The following TPRG1 variants were observed in gnomAD, a reference collection of about 807,000 sequenced individuals.
TPRG1 encodes the protein tumor protein p63-regulated gene 1 protein.
Under a neutral mutation model 29.3 loss-of-function variants are expected in TPRG1, and 29 were observed. The observed-to-expected ratio is 0.99, with a 90% CI of 0.74 to 1.35. The LOEUF is 1.35. Among genes scored for constraint, TPRG1 ranks in the 40% most tolerant of loss-of-function variants. The pLI is 0.00. For synonymous variants in TPRG1, 130 were observed against 116.8 expected, an observed-to-expected ratio of 1.11 and a Z score of -0.73; for missense variants, 327 against 335.0, an observed-to-expected ratio of 0.98 and a Z score of 0.19.
At chr3:189,315,220 GT>G (rs1723296139) in intron 5 of TPRG1, among the ~76,000 whole-genome samples, 1 of 151,320 alleles carries the variant, frequency 6.6e-6, no homozygotes, top group South Asian at 2.1e-4. Flanking sequence ...TATAATAATA[GT>G]TCTATGTTAT....
chr3:189,163,178 C>A (rs1302818118), intron 5 of TPRG1, among the ~76,000 whole-genome samples: 1 of 152,166 alleles, frequency 6.6e-6, no homozygotes, highest in Non-Finnish European at 1.5e-5. Context: ...GAGGCTGAGG[C>A]AGGAGAATCA....
chr3:189,256,010 C>G (rs549987436), intron 4 of TPRG1, among the ~76,000 whole-genome samples: 1 of 152,164 alleles, frequency 6.6e-6, no homozygotes, highest in South Asian at 2.1e-4. Context: ...GTCTCTATCT[C>G]CTTCAGTTCT....
At chr3:189,060,842 T>A (rs1410463640) in intron 4 of TPRG1, among the ~76,000 whole-genome samples, 1 of 152,076 alleles carries the variant, frequency 6.6e-6, no homozygotes, top group Non-Finnish European at 1.5e-5. Flanking sequence ...ATAGGAAGAA[T>A]CAATACCATG....
rs183893551 is a variant in TPRG1, at chr3:189,206,782, T to C, written c.-9-594T>C. Among the ~76,000 whole-genome samples, 867 of 144,390 alleles carry C rather than the reference T, an allele frequency of 6.0e-3. 10 individuals carry two copies. Among genetic ancestry groups the C allele is most frequent in the African/African-American group, 0.022 (761 of 35,280 alleles). The allele number at this position is 144,390 out of a possible 152,430, so 94.7% of individuals were successfully genotyped here. ...TCCTAGAATGCTGGGATTACAGGCA[T>C]GAGTCACCATGCCCAGCTGAACAAC... On this transcript the variant is annotated intron_variant, in intron 1 of 5. Coordinates refer to ENST00000345063, the MANE Select transcript of TPRG1 (RefSeq NM_198485.4).
chr3:189,176,662 A>G (rs1052875003), intron 1 of TPRG1, among the ~76,000 whole-genome samples: 2 of 152,206 alleles, frequency 1.3e-5, no homozygotes, highest in African/African-American at 4.8e-5. Context: ...AAGGATATGA[A>G]GGAGTCAGCG....
chr3:189,161,849 A>G (rs1477024526), intron 5 of TPRG1, among the ~76,000 whole-genome samples: 1 of 152,208 alleles, frequency 6.6e-6, no homozygotes, highest in Non-Finnish European at 1.5e-5. Context: ...GTCAAGGTGA[A>G]GGCAGATAGC....
upstream of TPRG1, among the ~76,000 whole-genome samples, chr3:189,168,995 G>GGA (rs1728484967): frequency 6.6e-6 from 1 of 152,164 alleles, no homozygotes; most frequent in Non-Finnish European, 1.5e-5. Flanking sequence ...AGTCCAGGGA[G>GGA]GAGACTAGCT....
At chr3:189,062,386 G>A (rs1034190912) in intron 4 of TPRG1, among the ~76,000 whole-genome samples, 3 of 152,148 alleles carry the variant, frequency 2.0e-5, no homozygotes, top group Admixed American at 1.3e-4. Context: ...AAACCCTGGC[G>A]ACATGAGTTT....
intron 3 of TPRG1, among the ~76,000 whole-genome samples, chr3:189,017,681 T>A (rs1713025009): frequency 6.6e-6 from 1 of 152,110 alleles, no homozygotes; most frequent in Non-Finnish European, 1.5e-5. Flanking sequence ...ATAGTGCCGC[T>A]ATAAACATAC....
chr3:189,244,624 C>A (rs781547222), intron 4 of TPRG1, among the ~76,000 whole-genome samples: 1 of 152,216 alleles, frequency 6.6e-6, no homozygotes, highest in African/African-American at 2.4e-5. Context: ...TACAAGAACT[C>A]ACTCACTATC....
intron 3 of TPRG1, among the ~76,000 whole-genome samples, chr3:189,133,198 G>A (rs902523553): frequency 1.3e-5 from 2 of 152,096 alleles, no homozygotes; most frequent in Non-Finnish European, 2.9e-5. Context: ...AAAGAGACTG[G>A]GATCAGATCT....
intron 4 of TPRG1, among the ~76,000 whole-genome samples, chr3:189,245,044 C>A (rs573169010): frequency 6.6e-6 from 1 of 152,182 alleles, no homozygotes; most frequent in Admixed American, 6.5e-5. Context: ...CCTCAGCCTC[C>A]CAAGTAGCTG....
chr3:189,107,270 G>C (rs750425670), intron 1 of TPRG1, among the ~76,000 whole-genome samples: 3 of 152,044 alleles, frequency 2.0e-5, no homozygotes, highest in Non-Finnish European at 2.9e-5. Flanking sequence ...CAGGACCTCA[G>C]GCAGCCTATA....
At chr3:189,219,274 G>T (rs1020816625) in intron 3 of TPRG1, among the ~76,000 whole-genome samples, 1 of 152,108 alleles carries the variant, frequency 6.6e-6, no homozygotes, top group Admixed American at 6.6e-5. Flanking sequence ...AAGTTTGCAG[G>T]CACTTGGGAA....
intron 4 of TPRG1, among the ~76,000 whole-genome samples, chr3:189,292,024 A>T (rs1719082881): frequency 6.6e-6 from 1 of 152,248 alleles, no homozygotes; most frequent in South Asian, 2.1e-4. Context: ...AATTCTCCAG[A>T]TGCCAAGCAG....
At chr3:189,105,025 T>C (rs1308882641) in intron 1 of TPRG1, among the ~76,000 whole-genome samples, 1 of 152,178 alleles carries the variant, frequency 6.6e-6, no homozygotes, top group Non-Finnish European at 1.5e-5. Context: ...TCTAAACTCA[T>C]ACTGAGAAAT....
chr3:189,312,206 TTTC>T, intron 5 of TPRG1, among the ~76,000 whole-genome samples: 1 of 93,500 alleles, frequency 1.1e-5, no homozygotes, highest in Non-Finnish European at 2.1e-5. Flanking sequence ...TCTTTCTTTC[TTTC>T]TTTCTTTCTT....
intron 1 of TPRG1, among the ~76,000 whole-genome samples, chr3:189,191,977 C>T (rs928009501): frequency 6.6e-6 from 1 of 152,184 alleles, no homozygotes; most frequent in South Asian, 2.1e-4. Flanking sequence ...TATAACTGAA[C>T]ACACTGGGCT....
intron 1 of TPRG1, among the ~76,000 whole-genome samples, chr3:189,106,554 C>A (rs545324712): frequency 1.2e-4 from 19 of 152,128 alleles, no homozygotes; most frequent in African/African-American, 4.1e-4. Context: ...TTTTGGGAAG[C>A]AATTCTGTCT....
Sources: gnomAD v4.1 joint callset for allele counts (sites outside exome capture counted in the v4.1 genomes callset) on GRCh38, gnomAD v4.1.1 for gene constraint, MANE v1.5 for transcripts, NCBI Gene and HGNC (gene_info 2026-07-23, HGNC 2026-07-21) for gene names.